Variants in IRAG2 observed in about 807,000 individuals in gnomAD.
The protein encoded by IRAG2 is lymphoid restricted membrane protein.
A neutral mutation model predicts 69.9 loss-of-function variants in IRAG2; 45 were observed. The observed-to-expected ratio is 0.64, with a 90% CI of 0.51 to 0.83. The LOEUF is 0.83. Ranked by LOEUF, IRAG2 falls within the 40% of genes least tolerant of loss-of-function variation. The pLI is 0.00. For missense variants in IRAG2, 520 were observed against 587.0 expected, an observed-to-expected ratio of 0.89 and a Z score of 1.18; for synonymous variants, 193 against 202.4, an observed-to-expected ratio of 0.95 and a Z score of 0.40.
At chr12:25,015,162 T>TGG in intron 3 of IRAG2, 3 of 1,072,226 alleles carry the variant, frequency 2.8e-6, no homozygotes, top group Non-Finnish European at 3.5e-6. Context: ...TTTGTTTTTT[T>TGG]TTTTTTTTTT....
intron 6 of IRAG2, among the ~76,000 whole-genome samples, chr12:25,073,390 C>T (rs866495385): frequency 6.6e-6 from 1 of 152,202 alleles, no homozygotes; most frequent in South Asian, 2.1e-4. Context: ...AGGTTGTACT[C>T]ACTACAACGT....
upstream of IRAG2, among the ~76,000 whole-genome samples, chr12:25,049,852 A>G (rs1944826587): frequency 6.6e-6 from 1 of 151,836 alleles, no homozygotes; most frequent in African/African-American, 2.4e-5. Context: ...GCATAGTGGC[A>G]GGCGCCTGTA....
chr12:25,015,243 A>G, exon 4 of IRAG2: 1 of 1,228,248 alleles, frequency 8.1e-7, no homozygotes, highest in Non-Finnish European at 1.0e-6. Flanking sequence ...ACAGGATGGC[A>G]TAAAATCAGA....
At chr12:25,037,747 T>C (rs957948767) in intron 15 of IRAG2, among the ~76,000 whole-genome samples, 2 of 152,250 alleles carry the variant, frequency 1.3e-5, no homozygotes, top group African/African-American at 4.8e-5. Context: ...TAATAGGCAC[T>C]TTATACATAC....
At chr12:25,102,375 T>C in intron 17 of IRAG2, 134 bp downstream of exon 17, 1 of 690,578 alleles carries the variant, frequency 1.4e-6, no homozygotes, top group Non-Finnish European at 2.4e-6. Flanking sequence ...TTTGTTTATC[T>C]AAGTATGCTT....
At chr12:25,056,978 A>T (rs369031198) in intron 1 of IRAG2, among the ~76,000 whole-genome samples, 6 of 152,274 alleles carry the variant, frequency 3.9e-5, no homozygotes, top group Non-Finnish European at 5.9e-5. Context: ...TCTGTGTCCA[A>T]TCATACTCCC....
chr12:25,078,410 G>A (rs1175659540), intron 6 of IRAG2, among the ~76,000 whole-genome samples: 1 of 152,116 alleles, frequency 6.6e-6, no homozygotes, highest in Non-Finnish European at 1.5e-5. Flanking sequence ...GTGACAGTTA[G>A]TAAGTTCTGA....
chr12:25,083,108 C>T (rs573166358), intron 9 of IRAG2, among the ~76,000 whole-genome samples: 1 of 152,240 alleles, frequency 6.6e-6, no homozygotes, highest in South Asian at 2.1e-4. Flanking sequence ...CCGCCCTCCA[C>T]TTTCTATTAT....
At chr12:25,027,418 A>G (rs866418121) in intron 9 of IRAG2, among the ~76,000 whole-genome samples, 15 of 145,230 alleles carry the variant, frequency 1.0e-4, no homozygotes, top group Middle Eastern at 3.4e-3. Context: ...TTTTTGAGAC[A>G]GAATCTCGCT....
chr12:25,021,393 T>G (rs541120119), intron 7 of IRAG2, among the ~76,000 whole-genome samples: 1 of 152,170 alleles, frequency 6.6e-6, no homozygotes. Flanking sequence ...AAATATCTGA[T>G]ACTAAAAACC....
chr12:25,049,975 T>C (rs1191725539), upstream of IRAG2, among the ~76,000 whole-genome samples: 1 of 69,544 alleles, frequency 1.4e-5, no homozygotes, highest in Non-Finnish European at 2.5e-5. Context: ...ACAGCGAAAC[T>C]GTGTCTCAAA....
At chr12:25,042,383 C>T (rs897349838) in intron 16 of IRAG2, among the ~76,000 whole-genome samples, 1 of 152,072 alleles carries the variant, frequency 6.6e-6, no homozygotes, top group Non-Finnish European at 1.5e-5. Context: ...CTAATATATA[C>T]CTCTTTACAT....
chr12:25,026,490 T>C (rs567409759), intron 8 of IRAG2, among the ~76,000 whole-genome samples: 20 of 152,252 alleles, frequency 1.3e-4, no homozygotes, highest in African/African-American at 4.6e-4. Flanking sequence ...GGTGGTCGGA[T>C]CAATGGATTG....
intron 1 of IRAG2, among the ~76,000 whole-genome samples, chr12:25,059,444 C>T (rs1846018): frequency 0.065 from 9,870 of 152,096 alleles, 433 homozygotes; most frequent in Non-Finnish European, 0.094. Flanking sequence ...CTCCGCCTCC[C>T]GGGTTCAAGC....
upstream of IRAG2, among the ~76,000 whole-genome samples, chr12:25,002,026 C>A (rs1944395539): frequency 6.6e-6 from 1 of 152,144 alleles, no homozygotes; most frequent in African/African-American, 2.4e-5. Context: ...GCCTCAGCCC[C>A]CAAAGTGCTG....
At chr12:25,019,756 CT>C (rs145490821) in intron 6 of IRAG2, among the ~76,000 whole-genome samples, 15,631 of 152,160 alleles carry the variant, frequency 0.1, 894 homozygotes, top group East Asian at 0.2. Context: ...GAACCCTGCC[CT>C]TTTCTACCTA....
chr12:25,050,053 G>A (rs1015224656), upstream of IRAG2, among the ~76,000 whole-genome samples: 4 of 149,304 alleles, frequency 2.7e-5, no homozygotes, highest in Non-Finnish European at 5.9e-5. Flanking sequence ...AGCTTGGGAG[G>A]TGGAGCTTGC....
intron 9 of IRAG2, among the ~76,000 whole-genome samples, chr12:25,027,585 C>CG (rs916732510): frequency 7.9e-5 from 12 of 151,642 alleles, no homozygotes; most frequent in African/African-American, 2.7e-4. Context: ...TAGTAGAGAC[C>CG]GGGTTTCACC....
At chr12:25,039,295 A>G (rs1309184892) in intron 16 of IRAG2, among the ~76,000 whole-genome samples, 1 of 152,218 alleles carries the variant, frequency 6.6e-6, no homozygotes, top group African/African-American at 2.4e-5. Context: ...AGAATACCAG[A>G]GGAACTCTCA....
Sources: gnomAD v4.1 joint callset for allele counts (sites outside exome capture counted in the v4.1 genomes callset) on GRCh38, gnomAD v4.1.1 for gene constraint, MANE v1.5 for transcripts, NCBI Gene and HGNC (gene_info 2026-07-23, HGNC 2026-07-21) for gene names.